Variants in MSI2 observed in about 807,000 individuals in gnomAD.
MSI2 encodes the protein musashi RNA binding protein 2, also known as RNA-binding protein Musashi homolog 2.
A neutral mutation model predicts 45.6 loss-of-function variants in MSI2; 17 were observed. The observed-to-expected ratio is 0.37, with a 90% CI of 0.26 to 0.56. MSI2 has a LOEUF of 0.56. Among genes scored for constraint, MSI2 ranks in the 20% least tolerant of loss-of-function variants. MSI2 has a pLI of 0.77. For missense variants in MSI2, 293 were observed against 444.2 expected (o/e 0.66, Z 3.06); for synonymous variants, 156 against 158.2 (o/e 0.99, Z 0.11).
chr17:57,409,342 T>C (rs1359510560), intron 6 of MSI2, among the ~76,000 whole-genome samples: 1 of 152,184 alleles, frequency 6.6e-6, no homozygotes, highest in Admixed American at 6.5e-5. Flanking sequence ...ATCCAAATGC[T>C]GAATTAGAAT....
In MSI2 at chr17:57,417,074, GC is replaced by G. The variant is rs530037528; in HGVS notation, c.405+15604del. On this transcript the variant is annotated intron_variant, in intron 6 of 13. Transcript: ENST00000284073. ...TCACTGCGAGGTGGGGACGGTGGTT[GC>G]TGCTGTGGAGCTCCTCTCCCAGGCC... is the stretch of plus-strand genomic sequence containing the variant. Among the ~76,000 whole-genome samples the G allele has an allele frequency of 2.2e-3, 338 of 152,294 alleles. 1 individual carries two copies. Among genetic ancestry groups the G allele is most frequent in the African/African-American group, 7.9e-3 (328 of 41,558 alleles).
At chr17:57,632,493 G>A (rs930439055) in intron 10 of MSI2, 4 of 1,066,188 alleles carry the variant, frequency 3.8e-6, no homozygotes, top group East Asian at 5.0e-5. Context: ...GGTGGGCACC[G>A]ATCCACAGTG....
intron 6 of MSI2, among the ~76,000 whole-genome samples, chr17:57,426,856 T>C (rs2084502052): frequency 6.6e-6 from 1 of 152,042 alleles, no homozygotes; most frequent in Admixed American, 6.6e-5. Flanking sequence ...AGCGTTAGAG[T>C]GAAGATTTTC....
intron 5 of MSI2, among the ~76,000 whole-genome samples, chr17:57,392,347 G>A (rs1359494912): frequency 6.6e-6 from 1 of 152,216 alleles, no homozygotes; most frequent in Non-Finnish European, 1.5e-5. Context: ...AGAGCTCTGA[G>A]ATGAGGGTGG....
chr17:57,446,154 G>A (rs1048260139), intron 6 of MSI2, among the ~76,000 whole-genome samples: 2 of 152,150 alleles, frequency 1.3e-5, no homozygotes, highest in Non-Finnish European at 2.9e-5. Flanking sequence ...GGAGTGGGGT[G>A]GGGTGTGTGT....
intron 7 of MSI2, among the ~76,000 whole-genome samples, chr17:57,565,582 T>A (rs1033348124): frequency 2.0e-5 from 3 of 152,200 alleles, no homozygotes; most frequent in African/African-American, 7.2e-5. Flanking sequence ...ACCAGTTTTG[T>A]GTTGGGATTG....
downstream of MSI2, among the ~76,000 whole-genome samples, chr17:57,687,219 C>T (rs1913904158): frequency 6.6e-6 from 1 of 151,502 alleles, no homozygotes; most frequent in African/African-American, 2.4e-5. Context: ...TAAATGCCTT[C>T]AGATGGAATT....
intron 6 of MSI2, among the ~76,000 whole-genome samples, chr17:57,417,605 G>A (rs79322151): frequency 0.053 from 8,125 of 152,104 alleles, 361 homozygotes; most frequent in South Asian, 0.15. Context: ...TGAGTGGAAC[G>A]GTAGATGTGA....
intron 6 of MSI2, among the ~76,000 whole-genome samples, chr17:57,481,010 T>C (rs1410894888): frequency 6.6e-6 from 1 of 152,164 alleles, no homozygotes; most frequent in Admixed American, 6.5e-5. Flanking sequence ...ACTCATAGGA[T>C]TTCAGTGACT....
chr17:57,666,862 G>T (rs1912406923), intron 11 of MSI2, among the ~76,000 whole-genome samples: 1 of 150,672 alleles, frequency 6.6e-6, no homozygotes. Context: ...TTGAAAAAAA[G>T]AGACGAGTGT....
rs185567058 is a variant in MSI2 at position 57,423,798 on chromosome 17, C to T, written c.405+22327C>T. Among the ~76,000 whole-genome samples, 286 of 152,246 alleles carry T rather than the reference C, an allele frequency of 1.9e-3. 2 individuals carry two copies. The highest frequency in any genetic ancestry group is 6.6e-3 in the African/African-American group (273 of 41,534). On this transcript the variant is annotated intron_variant, in intron 6 of 13. Coordinates refer to ENST00000284073, the MANE Select transcript of MSI2 (RefSeq NM_138962.4). ...CCCCTCCTCACCAAATGAGTTCTTTCTTTGCGAAGCTGGAGCCAAACCACC... is the reference window on the plus strand; with the variant it reads ...CCCCTCCTCACCAAATGAGTTCTTTTTTTGCGAAGCTGGAGCCAAACCACC...
chr17:57,526,411 CAGAG>C (rs112969544), intron 6 of MSI2, among the ~76,000 whole-genome samples: 40 of 81,908 alleles, frequency 4.9e-4, no homozygotes, highest in African/African-American at 1.5e-3. Context: ...GTGTGTGTGA[CAGAG>C]AGAGAGAGAG....
chr17:57,285,942 A>G, intron 5 of MSI2: 1 of 1,534,680 alleles, frequency 6.5e-7, no homozygotes, highest in Non-Finnish European at 8.7e-7. Context: ...GTGAATCAGT[A>G]TCTTTTTATT....
rs35929440 is a variant in MSI2, at chr17:57,371,508, CA to C, written c.313-29859del. On this transcript the variant is annotated intron_variant, in intron 5 of 13. Transcript: ENST00000284073. ...CATTTTTTTCTGTCCTTTTTCATGG[CA>C]AAAAAAAAAAAGGGCAAAAAATTAT... is the stretch of plus-strand genomic sequence containing the variant. Among the ~76,000 whole-genome samples, 1,016 of 140,614 alleles carry C rather than the reference CA, an allele frequency of 7.2e-3. 9 individuals carry two copies. The highest frequency in any genetic ancestry group is 0.025 in the African/African-American group (935 of 38,058). The allele number at this position is 140,614 out of a possible 152,430, so 92.2% of individuals were successfully genotyped here.
intron 6 of MSI2, among the ~76,000 whole-genome samples, chr17:57,495,479 G>T (rs982989454): frequency 7.9e-6 from 1 of 127,334 alleles, no homozygotes; most frequent in Non-Finnish European, 1.6e-5. Context: ...GTTGCAGTGA[G>T]CCAAGATTGC....
chr17:57,645,129 T>G (rs1196105903), intron 10 of MSI2, among the ~76,000 whole-genome samples: 2 of 152,204 alleles, frequency 1.3e-5, no homozygotes, highest in African/African-American at 2.4e-5. Context: ...GCCTACACTG[T>G]GCATCAGAAT....
chr17:57,485,791 T>A (rs2085741712), intron 6 of MSI2, among the ~76,000 whole-genome samples: 1 of 152,192 alleles, frequency 6.6e-6, no homozygotes, highest in Non-Finnish European at 1.5e-5. Context: ...GTCAAAGGGA[T>A]GAAGGAAGCA....
At chr17:57,695,030 A>G in the MSI2 span, among the ~76,000 whole-genome samples, 1 of 152,254 alleles carries the variant, frequency 6.6e-6, no homozygotes. Context: ...CTTTGGTTTC[A>G]TTGAGGAAAA....
chr17:57,337,185 A>G (rs1176704219), intron 5 of MSI2, among the ~76,000 whole-genome samples: 1 of 152,192 alleles, frequency 6.6e-6, no homozygotes, highest in Non-Finnish European at 1.5e-5. Context: ...AGCTCAAGGA[A>G]GTTGATTACC....
Sources: gnomAD v4.1 joint callset for allele counts (sites outside exome capture counted in the v4.1 genomes callset) on GRCh38, gnomAD v4.1.1 for gene constraint, MANE v1.5 for transcripts, NCBI Gene and HGNC (gene_info 2026-07-23, HGNC 2026-07-21) for gene names.